LPXN: variants seen among roughly 807,000 people sequenced by gnomAD.
LPXN encodes leupaxin.
LPXN carries 28 observed loss-of-function variants against 45.6 expected under a neutral mutation model. The observed-to-expected ratio is 0.61, with a 90% CI of 0.45 to 0.84. LPXN has a LOEUF of 0.84. LPXN is among the 40% of genes least tolerant of loss of function. The pLI is 0.00. For synonymous variants in LPXN, 166 were observed against 169.9 expected (o/e 0.98, Z 0.18); for missense variants, 459 against 475.0 (o/e 0.97, Z 0.31).
At chr11:58,567,607 G>T (rs753474598) in intron 2 of LPXN, among the ~76,000 whole-genome samples, 1 of 152,196 alleles carries the variant, frequency 6.6e-6, no homozygotes. Context: ...TGCAGCTGCC[G>T]TGTTGAAGTC....
intron 4 of LPXN, among the ~76,000 whole-genome samples, chr11:58,552,075 C>A (rs1173864975): frequency 6.6e-6 from 1 of 152,054 alleles, no homozygotes; most frequent in Non-Finnish European, 1.5e-5. Flanking sequence ...GTGATGGAAG[C>A]CATTGCAGGA....
chr11:58,562,414 G>A (rs1854405641), intron 3 of LPXN, among the ~76,000 whole-genome samples: 1 of 152,134 alleles, frequency 6.6e-6, no homozygotes, highest in South Asian at 2.1e-4. Flanking sequence ...ACTAGTCTCA[G>A]GGATGTGCAT....
At chr11:58,528,296 T>C (rs1055185345) in intron 7 of LPXN, 105 bp from the exon 8 acceptor site, 4 of 1,030,912 alleles carry the variant, frequency 3.9e-6, no homozygotes, top group African/African-American at 3.2e-5. Context: ...ATATTCAAAA[T>C]AGGATGATTA....
chr11:58,570,754 T>C, intron 1 of LPXN, 41 bp from the exon 2 acceptor site: 2 of 1,503,694 alleles, frequency 1.3e-6, no homozygotes, highest in South Asian at 2.5e-5. Context: ...AGAGAATATT[T>C]AAATCCCTAC....
At chr11:58,559,260 A>C (rs1854300845) in intron 3 of LPXN, among the ~76,000 whole-genome samples, 1 of 152,114 alleles carries the variant, frequency 6.6e-6, no homozygotes, top group Admixed American at 6.5e-5. Context: ...GGTTATATAA[A>C]TTTATAAACA....
intron 4 of LPXN, among the ~76,000 whole-genome samples, chr11:58,552,318 GA>G (rs200100366): frequency 0.045 from 6,195 of 138,324 alleles, 299 homozygotes; most frequent in African/African-American, 0.12. Context: ...CAAATTAAAA[GA>G]AAAAAAAAAA....
At chr11:58,555,339 C>T (rs1854170423) in intron 3 of LPXN, among the ~76,000 whole-genome samples, 1 of 152,132 alleles carries the variant, frequency 6.6e-6, no homozygotes, top group Non-Finnish European at 1.5e-5. Context: ...ACTTTATAGT[C>T]CACAAAAGCC....
chr11:58,549,773 A>T lies in LPXN; in HGVS notation c.742+13T>A. ...CTGGGGTGTGGGATACAGCCTCTCA[A>T]GTCGGGTCATACCTTCTGCACCAAA... On this transcript the variant is annotated intron_variant, in intron 7 of 8. Transcript: ENST00000395074. The T allele has an allele frequency of 6.2e-7, 1 of 1,613,544 alleles. No homozygotes were observed. Among genetic ancestry groups the T allele is most frequent in the Non-Finnish European group, 8.5e-7 (1 of 1,179,590 alleles).
In LPXN at chr11:58,550,155, T is replaced by C. The variant is rs764994774; in HGVS notation, c.487-9A>G. ...CCTAGAGCATGGATCACCTGTGGAG[T>C]GAAATAAAGCCTGACACAGGAGGCC... On this transcript the variant is annotated splice_polypyrimidine_tract_variant and intron_variant, in intron 5 of 8. Coordinates refer to ENST00000395074, the MANE Select transcript of LPXN (RefSeq NM_004811.3). 4 of 1,609,040 alleles carry C rather than the reference T, an allele frequency of 2.5e-6. No homozygotes were observed. The highest frequency in any genetic ancestry group is 3.4e-6 in the Non-Finnish European group (4 of 1,175,948).
intron 7 of LPXN, among the ~76,000 whole-genome samples, chr11:58,544,992 C>T (rs1853836205): frequency 6.6e-6 from 1 of 152,116 alleles, no homozygotes. Context: ...TATAGAAACT[C>T]TTTGTGACTA....
chr11:58,544,827 C>T (rs1336157264), intron 7 of LPXN, among the ~76,000 whole-genome samples: 3 of 152,028 alleles, frequency 2.0e-5, no homozygotes, highest in Non-Finnish European at 2.9e-5. Context: ...GGATAATGAA[C>T]AATTAAAAAG....
intron 3 of LPXN, among the ~76,000 whole-genome samples, chr11:58,558,224 A>G (rs1854266779): frequency 6.6e-6 from 1 of 151,722 alleles, no homozygotes; most frequent in Admixed American, 6.6e-5. Context: ...ATAGAGTAAC[A>G]ATAATTAAAT....
In LPXN at chr11:58,533,216, C is replaced by T. The variant is rs539021961; in HGVS notation, c.743-5025G>A. On this transcript the variant is annotated intron_variant, in intron 7 of 8. Transcript: ENST00000395074. ...GCTTCATTCTTGAAGTCAGTGAGAC[C>T]AAGAACCCACCAATTTCGGACACAA... is the stretch of plus-strand genomic sequence containing the variant. 5.9e-5 allele frequency among the ~76,000 whole-genome samples: 9 copies of T among 152,226 alleles called. No homozygotes were observed. The East Asian group carries it at 1.4e-3, about 23-fold the overall frequency.
intron 4 of LPXN, 60 bp downstream of exon 4, chr11:58,554,781 C>T: frequency 7.7e-7 from 1 of 1,292,196 alleles, no homozygotes; most frequent in Non-Finnish European, 1.1e-6. Flanking sequence ...ACCCCATGGG[C>T]CCTGTTTATC....
Position 58,528,177 on chromosome 11 carries a change from C to T in LPXN, c.757G>A (p.Asp253Asn). The T allele has an allele frequency of 4.3e-6, 7 of 1,614,120 alleles. No individual in the cohort carries two copies. The highest frequency in any genetic ancestry group is 5.9e-6 in the Non-Finnish European group (7 of 1,180,020). Residue 253 changes from aspartate to asparagine, a missense_variant, in exon 8 of 9, where the codon GAC becomes AAC. By Grantham distance (23) the Asp-to-Asn change is conservative. Coordinates refer to ENST00000395074, the MANE Select transcript of LPXN (RefSeq NM_004811.3). ...TCCTTTCGGCAATATGGCTTCTTGT[C>T]CTTCTCATGAAAGCCTGGAGAGATA... ...VFGAEGFHEK[D>N]KKPYCRKDFL...
rs540593416 is a variant in LPXN at position 58,539,391 on chromosome 11, T to C, written c.742+10395A>G. 5.3e-5 allele frequency among the ~76,000 whole-genome samples: 8 copies of C among 152,304 alleles called. No individual in the cohort carries two copies. In the South Asian group the frequency reaches 1.7e-3, roughly 32 times the overall value. ...AGAAGAAATGACATCCCAGAAATAA[T>C]GAACACTGCTAATTTTTAAATATCC... On this transcript the variant is annotated intron_variant, in intron 7 of 8. Coordinates refer to ENST00000395074, the MANE Select transcript of LPXN (RefSeq NM_004811.3).
At chr11:58,560,227 A>G (rs1854332199) in intron 3 of LPXN, among the ~76,000 whole-genome samples, 1 of 152,252 alleles carries the variant, frequency 6.6e-6, no homozygotes, top group Non-Finnish European at 1.5e-5. Flanking sequence ...ATGAGACATC[A>G]GTAATGCAAT....
chr11:58,540,084 C>A (rs933828384), intron 7 of LPXN, among the ~76,000 whole-genome samples: 1 of 151,958 alleles, frequency 6.6e-6, no homozygotes, highest in Non-Finnish European at 1.5e-5. Flanking sequence ...GTCATCCAGA[C>A]CCCCGAAAAC....
intron 2 of LPXN, among the ~76,000 whole-genome samples, chr11:58,566,505 TAG>T (rs1394775062): frequency 6.6e-6 from 1 of 152,238 alleles, no homozygotes; most frequent in East Asian, 1.9e-4. Context: ...TGCAAAATCA[TAG>T]ACTTTCACAA....
Sources: allele counts gnomAD v4.1 joint callset (sites outside exome capture counted in the v4.1 genomes callset), GRCh38; gene constraint gnomAD v4.1.1; transcripts MANE v1.5; gene names NCBI Gene and HGNC (gene_info 2026-07-23, HGNC 2026-07-21).